The following CALN1 variants were observed in gnomAD, a reference collection of about 807,000 sequenced individuals.
CALN1 encodes the protein calcium-binding protein 8.
In CALN1, 17 loss-of-function variants were observed where a neutral mutation model predicts 30.6. The ratio of observed to expected loss-of-function variants is 0.56; its 90% CI spans 0.38 to 0.83. The LOEUF is 0.83. Ranked by LOEUF, CALN1 falls within the 40% of genes least tolerant of loss-of-function variation. The pLI is 0.00. For synonymous variants in CALN1, 156 were observed against 131.4 expected (o/e 1.19, Z -1.28); for missense variants, 291 against 354.9 (o/e 0.82, Z 1.45).
At chr7:72,405,865 G>C (rs940024436) in intron 1 of CALN1, among the ~76,000 whole-genome samples, 3 of 152,222 alleles carry the variant, frequency 2.0e-5, no homozygotes, top group Non-Finnish European at 1.5e-5. Context: ...AATATGTTGA[G>C]TCCCTTCTCT....
chr7:72,443,112 T>C (rs114915874), intron 1 of CALN1, among the ~76,000 whole-genome samples: 1 of 152,238 alleles, frequency 6.6e-6, no homozygotes, highest in Non-Finnish European at 1.5e-5. Context: ...CCATGCCTCA[T>C]CACTGTCTCA....
intron 3 of CALN1, among the ~76,000 whole-genome samples, chr7:72,170,945 T>C (rs1245089475): frequency 3.3e-5 from 5 of 152,032 alleles, no homozygotes; most frequent in Non-Finnish European, 5.9e-5. Flanking sequence ...TCACATTGAG[T>C]CCAGGAGTTT....
chr7:72,225,491 AT>A (rs1793606775), intron 3 of CALN1, among the ~76,000 whole-genome samples: 1 of 152,014 alleles, frequency 6.6e-6, no homozygotes, highest in African/African-American at 2.4e-5. Flanking sequence ...GGAGTGGCCA[AT>A]GGGGAAAAGA....
chr7:72,400,680 G>T (rs537513229), intron 2 of CALN1, among the ~76,000 whole-genome samples: 1 of 152,172 alleles, frequency 6.6e-6, no homozygotes, highest in African/African-American at 2.4e-5. Context: ...GACCAGCCTG[G>T]TCAACATGGT....
At chr7:72,263,472 T>C (rs973359691) in intron 3 of CALN1, among the ~76,000 whole-genome samples, 6 of 152,196 alleles carry the variant, frequency 3.9e-5, no homozygotes, top group African/African-American at 1.4e-4. Flanking sequence ...CGTGGCTCTC[T>C]GGAGCCTCAA....
chr7:72,414,822 A>C (rs894533976), upstream of CALN1, among the ~76,000 whole-genome samples: 1 of 152,066 alleles, frequency 6.6e-6, no homozygotes, highest in African/African-American at 2.4e-5. Context: ...CCAGCCCCCA[A>C]ATATATATCC....
At chr7:72,469,836 G>T in the CALN1 span, among the ~76,000 whole-genome samples, 2 of 152,096 alleles carry the variant, frequency 1.3e-5, no homozygotes, top group African/African-American at 4.8e-5. Context: ...CCCAGTCAAG[G>T]GTAGGTGACT....
At chr7:71,840,504 A>T (rs1203345681) in intron 5 of CALN1, among the ~76,000 whole-genome samples, 6 of 149,410 alleles carry the variant, frequency 4.0e-5, no homozygotes, top group African/African-American at 1.5e-4. Flanking sequence ...AAAAAAAAAA[A>T]AAAAAAAGAG....
the CALN1 span, among the ~76,000 whole-genome samples, chr7:72,466,897 GAA>G: frequency 1.3e-5 from 2 of 151,820 alleles, no homozygotes; most frequent in Non-Finnish European, 2.9e-5. Flanking sequence ...AAAAGAAAAA[GAA>G]AGAGAAAGAA....
chr7:72,311,417 T>C (rs989886415), intron 2 of CALN1, among the ~76,000 whole-genome samples: 4 of 152,150 alleles, frequency 2.6e-5, no homozygotes, highest in Admixed American at 2.0e-4. Context: ...AATTTTTTAC[T>C]GTGCAGAGGG....
chr7:71,959,781 A>C (rs112815718), intron 5 of CALN1, among the ~76,000 whole-genome samples: 8 of 152,120 alleles, frequency 5.3e-5, no homozygotes, highest in Non-Finnish European at 1.2e-4. Flanking sequence ...GTTCTAGTCT[A>C]TTTCAATTCC....
chr7:71,917,236 A>G (rs1255282216), intron 5 of CALN1, among the ~76,000 whole-genome samples: 1 of 152,194 alleles, frequency 6.6e-6, no homozygotes. Flanking sequence ...TTCAGAAACA[A>G]CAGGATGAGG....
chr7:71,914,457 C>T (rs1441073873), intron 5 of CALN1, among the ~76,000 whole-genome samples: 1 of 152,070 alleles, frequency 6.6e-6, no homozygotes, highest in Non-Finnish European at 1.5e-5. Flanking sequence ...CACTGATGAA[C>T]ATTTAGATTG....
intron 5 of CALN1, among the ~76,000 whole-genome samples, chr7:71,843,159 C>T (rs976302946): frequency 6.6e-6 from 1 of 152,156 alleles, no homozygotes; most frequent in South Asian, 2.1e-4. Flanking sequence ...TTCTTATTCT[C>T]CCTAAGAAGA....
intron 4 of CALN1, among the ~76,000 whole-genome samples, chr7:72,061,010 C>G (rs181756432): frequency 1.8e-4 from 27 of 152,318 alleles, no homozygotes; most frequent in African/African-American, 6.5e-4. Flanking sequence ...ACACAGCTCC[C>G]AGAATGGCCA....
In CALN1 at chr7:72,370,306, G is replaced by A. The variant is rs191152252; in HGVS notation, c.119+32945C>T. On this transcript the variant is annotated intron_variant, in intron 2 of 6. Transcript: ENST00000395275. ...TACCTATTTTTTATCTTGTGCTCATGTCTTTTACCCATCTTTAAATTGGTA... is the reference window on the plus strand; with the variant it reads ...TACCTATTTTTTATCTTGTGCTCATATCTTTTACCCATCTTTAAATTGGTA... 1.2e-3 allele frequency among the ~76,000 whole-genome samples: 178 copies of A among 152,130 alleles called. 1 individual carries two copies. The highest frequency in any genetic ancestry group is 4.1e-3 in the African/African-American group (169 of 41,500).
chr7:72,314,679 T>C (rs1169991831), intron 2 of CALN1, among the ~76,000 whole-genome samples: 1 of 151,812 alleles, frequency 6.6e-6, no homozygotes, highest in Non-Finnish European at 1.5e-5. Flanking sequence ...CTGCCCAAAG[T>C]GCTGGGATTA....
intron 1 of CALN1, among the ~76,000 whole-genome samples, chr7:72,408,080 CAT>C (rs1397778571): frequency 1.3e-5 from 2 of 152,016 alleles, no homozygotes; most frequent in African/African-American, 2.4e-5. Context: ...GTTCAATAAA[CAT>C]ATATTGAACA....
rs59402619 is a variant in CALN1, at chr7:72,116,762, C to T, written c.245-10468G>A. ...AGATTCACCTTGGCCAGCTACCACC[C>T]AGCTATTGACCAAAGGAGCCAAACT... On this transcript the variant is annotated intron_variant, in intron 3 of 6. Coordinates refer to ENST00000395275, the MANE Select transcript of CALN1 (RefSeq NM_031468.4). 3.6e-3 allele frequency among the ~76,000 whole-genome samples: 551 copies of T among 152,244 alleles called. 7 individuals are homozygous for T. Among genetic ancestry groups the T allele is most frequent in the African/African-American group, 0.013 (522 of 41,550 alleles).
Sources: allele counts gnomAD v4.1 joint callset (sites outside exome capture counted in the v4.1 genomes callset), GRCh38; gene constraint gnomAD v4.1.1; transcripts MANE v1.5; gene names NCBI Gene and HGNC (gene_info 2026-07-23, HGNC 2026-07-21).